The following HPSE2 variants were observed in gnomAD, a reference collection of about 807,000 sequenced individuals.
HPSE2 encodes the protein inactive heparanase-2.
A neutral mutation model predicts 60.5 loss-of-function variants in HPSE2; 38 were observed. The ratio of observed to expected loss-of-function variants is 0.63; its 90% CI spans 0.48 to 0.82. The LOEUF (loss-of-function observed/expected upper bound fraction) is 0.82. Among genes scored for constraint, HPSE2 ranks in the 40% least tolerant of loss-of-function variants. The probability of loss-of-function intolerance (pLI) is 0.00; values close to 1 mark genes in which losing one functional copy is unlikely to be tolerated. For missense variants in HPSE2, 713 were observed against 740.4 expected, an observed-to-expected ratio of 0.96 and a Z score of 0.43; for synonymous variants, 295 against 293.2, an observed-to-expected ratio of 1.01 and a Z score of -0.06.
intron 3 of HPSE2, among the ~76,000 whole-genome samples, chr10:98,900,492 A>T (rs1317633752): frequency 1.3e-5 from 2 of 152,140 alleles, no homozygotes; most frequent in African/African-American, 4.8e-5. Context: ...TGTTCATACA[A>T]ATGTATGAAC....
rs143333920 is a variant in HPSE2 at position 98,755,168 on chromosome 10, G to C, written c.611-11112C>G. On this transcript the variant is annotated intron_variant, in intron 3 of 11. Coordinates refer to ENST00000370552, the MANE Select transcript of HPSE2 (RefSeq NM_021828.5). ...ATGATTCATAAGCTCAAAGTAAAGA[G>C]ATGGAGAAAAATCTACCAAGCAAAC... Among the ~76,000 whole-genome samples the C allele has an allele frequency of 5.9e-5, 9 of 152,210 alleles. No homozygotes were observed. The East Asian group carries it at 1.7e-3, about 29-fold the overall frequency.
intron 2 of HPSE2, among the ~76,000 whole-genome samples, chr10:99,227,732 T>C (rs1158984745): frequency 1.3e-5 from 2 of 151,214 alleles, no homozygotes; most frequent in Non-Finnish European, 2.9e-5. Flanking sequence ...AGGCTAGACA[T>C]TGTGGATATA....
At chr10:98,775,652 C>T (rs1950324529) in intron 3 of HPSE2, among the ~76,000 whole-genome samples, 1 of 152,176 alleles carries the variant, frequency 6.6e-6, no homozygotes, top group Non-Finnish European at 1.5e-5. Context: ...TATCTCTCTT[C>T]ATCTAATACT....
intron 6 of HPSE2, among the ~76,000 whole-genome samples, chr10:98,686,069 G>A (rs1387318945): frequency 6.6e-6 from 1 of 151,878 alleles, no homozygotes. Context: ...TCTGTCTAGG[G>A]TTTTTCACAT....
intron 3 of HPSE2, among the ~76,000 whole-genome samples, chr10:99,037,504 CAT>C (rs1404102672): frequency 6.6e-6 from 1 of 151,810 alleles, no homozygotes. Context: ...ACCTTAAAAA[CAT>C]AGAAACATGG....
intron 9 of HPSE2, among the ~76,000 whole-genome samples, chr10:98,545,060 T>C (rs890465787): frequency 2.0e-5 from 3 of 152,042 alleles, no homozygotes; most frequent in Non-Finnish European, 4.4e-5. Context: ...CTAGAAGAAA[T>C]GGATAAATTC....
the HPSE2 span, among the ~76,000 whole-genome samples, chr10:99,243,048 A>C: frequency 6.6e-6 from 1 of 152,182 alleles, no homozygotes; most frequent in South Asian, 2.1e-4. Context: ...TATCTTCATA[A>C]TTTGGGTAAA....
chr10:99,099,431 A>T (rs567082071), intron 3 of HPSE2, among the ~76,000 whole-genome samples: 1 of 152,366 alleles, frequency 6.6e-6, no homozygotes, highest in Non-Finnish European at 1.5e-5. Flanking sequence ...GCAAGGCAGC[A>T]GCGAGGCTGG....
chr10:99,048,226 T>C (rs1957904678), intron 3 of HPSE2: 1 of 585,408 alleles, frequency 1.7e-6, no homozygotes, highest in Non-Finnish European at 3.1e-6. Flanking sequence ...AGATCTATAC[T>C]ATTGGAAAAT....
chr10:98,498,134 A>G (rs1941912037), intron 9 of HPSE2, among the ~76,000 whole-genome samples: 1 of 152,188 alleles, frequency 6.6e-6, no homozygotes, highest in Non-Finnish European at 1.5e-5. Context: ...TCGGACAGAC[A>G]AAGCAGCATG....
intron 3 of HPSE2, among the ~76,000 whole-genome samples, chr10:98,858,322 G>A (rs1034495890): frequency 6.6e-6 from 1 of 152,172 alleles, no homozygotes; most frequent in African/African-American, 2.4e-5. Context: ...GCAATTAGCA[G>A]CCTGTTAAAC....
chr10:98,532,905 T>C (rs1189559086), intron 9 of HPSE2, among the ~76,000 whole-genome samples: 2 of 152,222 alleles, frequency 1.3e-5, no homozygotes, highest in South Asian at 2.1e-4. Flanking sequence ...TTTTCAGGGA[T>C]GAGGGCTGAC....
chr10:99,150,094 A>G (rs904582572), intron 2 of HPSE2, among the ~76,000 whole-genome samples: 12 of 152,196 alleles, frequency 7.9e-5, no homozygotes, highest in African/African-American at 2.9e-4. Flanking sequence ...AAAATACCCA[A>G]TATATACCCT....
chr10:99,046,337 T>C (rs1957854244), intron 3 of HPSE2, among the ~76,000 whole-genome samples: 2 of 151,956 alleles, frequency 1.3e-5, no homozygotes, highest in Admixed American at 6.6e-5. Flanking sequence ...TACCTCAAAA[T>C]AGTAAGAGCT....
intron 11 of HPSE2, among the ~76,000 whole-genome samples, chr10:98,466,902 G>T (rs1193150578): frequency 1.3e-5 from 2 of 152,168 alleles, no homozygotes; most frequent in Non-Finnish European, 2.9e-5. Flanking sequence ...AACATTGTCT[G>T]AAGTCCCCAT....
chr10:98,825,405 T>C (rs1354823624), intron 3 of HPSE2, among the ~76,000 whole-genome samples: 1 of 152,172 alleles, frequency 6.6e-6, no homozygotes, highest in East Asian at 1.9e-4. Flanking sequence ...TCCTTAAGTG[T>C]TTGCTCTTCC....
intron 2 of HPSE2, among the ~76,000 whole-genome samples, chr10:99,172,070 T>C (rs1847332325): frequency 6.6e-6 from 1 of 152,214 alleles, no homozygotes; most frequent in Non-Finnish European, 1.5e-5. Context: ...AATGTACATG[T>C]GCAGGTTTGT....
intron 9 of HPSE2, among the ~76,000 whole-genome samples, chr10:98,579,970 C>A (rs567155104): frequency 1.3e-5 from 2 of 152,272 alleles, no homozygotes; most frequent in East Asian, 3.9e-4. Flanking sequence ...AGTCTGCTAC[C>A]CAGCTGGTGA....
At chr10:98,740,748 C>T (rs572290792) in intron 4 of HPSE2, among the ~76,000 whole-genome samples, 1 of 152,134 alleles carries the variant, frequency 6.6e-6, no homozygotes, top group Non-Finnish European at 1.5e-5. Flanking sequence ...GATAAGAAGA[C>T]TGACCTGTTC....
Sources: allele counts gnomAD v4.1 joint callset (sites outside exome capture counted in the v4.1 genomes callset), GRCh38; gene constraint gnomAD v4.1.1; transcripts MANE v1.5; gene names NCBI Gene and HGNC (gene_info 2026-07-23, HGNC 2026-07-21).